EPHA5: variants seen among roughly 807,000 people sequenced by gnomAD.
The protein encoded by EPHA5 is ephrin type-A receptor 5.
A neutral mutation model predicts 105.0 loss-of-function variants in EPHA5; 60 were observed. That is an observed-to-expected ratio of 0.57 (90% confidence interval 0.46 to 0.71). The LOEUF (loss-of-function observed/expected upper bound fraction) is 0.71, where lower values mean the gene tolerates loss of function less well. EPHA5 is among the 30% of genes least tolerant of loss of function. The pLI is 0.00. For missense variants in EPHA5, 1,218 were observed against 1,274.7 expected (o/e 0.96, Z 0.68); for synonymous variants, 513 against 449.1 (o/e 1.14, Z -1.80).
intron 8 of EPHA5, among the ~76,000 whole-genome samples, chr4:65,378,355 A>T (rs957987141): frequency 2.0e-4 from 31 of 152,066 alleles, no homozygotes; most frequent in African/African-American, 7.5e-4. Context: ...AGTATATCAG[A>T]TTATTAAAAC....
chr4:65,410,415 C>T (rs1722804908), intron 7 of EPHA5, among the ~76,000 whole-genome samples: 1 of 152,066 alleles, frequency 6.6e-6, no homozygotes, highest in South Asian at 2.1e-4. Flanking sequence ...TTAGTGATAA[C>T]ACATTTGTTC....
intron 3 of EPHA5, among the ~76,000 whole-genome samples, chr4:65,599,833 C>A (rs1317699358): frequency 2.0e-5 from 3 of 152,160 alleles, no homozygotes; most frequent in Non-Finnish European, 4.4e-5. Context: ...AACACTTGCA[C>A]TAAGACTGCA....
chr4:65,452,765 T>G (rs1727190636), intron 5 of EPHA5, among the ~76,000 whole-genome samples: 1 of 152,172 alleles, frequency 6.6e-6, no homozygotes, highest in Admixed American at 6.5e-5. Flanking sequence ...ATAAGGAAAT[T>G]AGTGTATTCA....
chr4:65,377,843 C>T (rs1179094276), intron 8 of EPHA5, among the ~76,000 whole-genome samples: 1 of 151,862 alleles, frequency 6.6e-6, no homozygotes, highest in African/African-American at 2.4e-5. Context: ...GAATAAAAGA[C>T]ATAAGTTATT....
At chr4:65,552,962 T>TTGCTGGGTTGTA (rs1738068250) in intron 3 of EPHA5, among the ~76,000 whole-genome samples, 1 of 152,148 alleles carries the variant, frequency 6.6e-6, no homozygotes. Flanking sequence ...GACTGCTTAG[T>TTGCTGGGTTGTA]TGCTGGGTTG....
intron 5 of EPHA5, among the ~76,000 whole-genome samples, chr4:65,450,310 A>G (rs1352871945): frequency 6.6e-6 from 1 of 152,174 alleles, no homozygotes; most frequent in Non-Finnish European, 1.5e-5. Flanking sequence ...AATGTTTCTT[A>G]TGTTTCAGCC....
rs772988689 is a variant in EPHA5 at position 65,362,207 on chromosome 4, C to T, written c.2173+2810G>A. ...GTGATAGTGAAAAGATGAAGGCTCA[C>T]GATGACACCACCCATAGGAGGGCTA... On this transcript the variant is annotated intron_variant, in intron 11 of 16. Coordinates refer to ENST00000613740, the MANE Select transcript of EPHA5 (RefSeq NM_001281766.3). Among the ~76,000 whole-genome samples the T allele has an allele frequency of 5.3e-4, 79 of 150,308 alleles. 1 individual carries two copies. Among genetic ancestry groups the T allele is most frequent in the Non-Finnish European group, 1.8e-4 (12 of 67,424 alleles).
intron 3 of EPHA5, among the ~76,000 whole-genome samples, chr4:65,529,309 A>G (rs949645382): frequency 6.6e-6 from 1 of 152,168 alleles, no homozygotes; most frequent in Non-Finnish European, 1.5e-5. Context: ...ATCAAGTTAT[A>G]CAAATTAATG....
chr4:65,396,523 C>T (rs576116270), intron 8 of EPHA5, among the ~76,000 whole-genome samples: 23 of 152,202 alleles, frequency 1.5e-4, no homozygotes, highest in Non-Finnish European at 3.1e-4. Flanking sequence ...AGCCTTATCC[C>T]GTTGGAAGAA....
chr4:65,441,345 G>A (rs1332188425), intron 5 of EPHA5, among the ~76,000 whole-genome samples: 1 of 151,674 alleles, frequency 6.6e-6, no homozygotes, highest in African/African-American at 2.4e-5. Context: ...TACTACTGAG[G>A]GTGTGAGAAA....
chr4:65,510,305 A>G (rs1733491055), intron 3 of EPHA5, among the ~76,000 whole-genome samples: 1 of 151,708 alleles, frequency 6.6e-6, no homozygotes, highest in South Asian at 2.1e-4. Context: ...TCGGCCTCCC[A>G]AAGTGCTGGG....
chr4:65,442,131 C>CG (rs1049793184), intron 5 of EPHA5, among the ~76,000 whole-genome samples: 3 of 151,982 alleles, frequency 2.0e-5, no homozygotes, highest in African/African-American at 7.3e-5. Context: ...GCCACCCCCC[C>CG]GCCACAACAC....
chr4:65,390,237 C>A (rs1053816040), intron 8 of EPHA5, among the ~76,000 whole-genome samples: 1 of 151,922 alleles, frequency 6.6e-6, no homozygotes, highest in African/African-American at 2.4e-5. Flanking sequence ...CCTTTTTTAA[C>A]CTCCCATTAA....
intron 5 of EPHA5, among the ~76,000 whole-genome samples, chr4:65,468,860 C>T (rs1185024723): frequency 6.6e-6 from 1 of 151,468 alleles, no homozygotes; most frequent in Non-Finnish European, 1.5e-5. Context: ...GATTTAATCC[C>T]TAAATCCATT....
intron 2 of EPHA5, among the ~76,000 whole-genome samples, chr4:65,638,597 G>A (rs1221842795): frequency 2.0e-5 from 3 of 152,018 alleles, no homozygotes; most frequent in Admixed American, 6.6e-5. Flanking sequence ...AAATTAGCCG[G>A]GTGTGGTGGC....
At chr4:65,579,433 G>T (rs1255857899) in intron 3 of EPHA5, among the ~76,000 whole-genome samples, 2 of 148,742 alleles carry the variant, frequency 1.3e-5, no homozygotes, top group Non-Finnish European at 3.0e-5. Context: ...CAGGATTGTG[G>T]CAGTATAGAT....
chr4:65,592,804 T>A (rs1005317435), intron 3 of EPHA5, among the ~76,000 whole-genome samples: 1 of 152,224 alleles, frequency 6.6e-6, no homozygotes, highest in Non-Finnish European at 1.5e-5. Context: ...CATACCATGA[T>A]GTCAGAATTT....
chr4:65,476,099 T>TGAGAGA lies in EPHA5; in HGVS notation c.1402+14272_1402+14277dup, dbSNP rs35934629. 3.8e-3 allele frequency among the ~76,000 whole-genome samples: 526 copies of TGAGAGA among 138,174 alleles called. 7 individuals carry two copies. The highest frequency in any genetic ancestry group is 0.012 in the African/African-American group (427 of 35,970). 90.6% of individuals were successfully genotyped at this position (138,174 alleles called of 152,430 possible). ...CAAACACTCCCTGCATCAAAATCAC[T>TGAGAGA]GAGAGAGAGAGAGAGAGAGAGAGAG... is the stretch of plus-strand genomic sequence containing the variant. On this transcript the variant is annotated intron_variant, in intron 5 of 16. Transcript: ENST00000613740.
intron 8 of EPHA5, among the ~76,000 whole-genome samples, chr4:65,388,238 TC>T (rs1170766295): frequency 6.6e-6 from 1 of 150,678 alleles, no homozygotes; most frequent in Non-Finnish European, 1.5e-5. Context: ...TTGGGTTGGT[TC>T]CAAGTCTTTG....
Sources: gnomAD v4.1 joint callset for allele counts (sites outside exome capture counted in the v4.1 genomes callset) on GRCh38, gnomAD v4.1.1 for gene constraint, MANE v1.5 for transcripts, NCBI Gene and HGNC (gene_info 2026-07-23, HGNC 2026-07-21) for gene names.